Variants in CHIC2 observed in about 807,000 individuals in gnomAD.
CHIC2 encodes the protein cysteine-rich hydrophobic domain-containing protein 2.
CHIC2 carries 14 observed loss-of-function variants against 25.9 expected under a neutral mutation model. The ratio of observed to expected loss-of-function variants is 0.54; its 90% CI spans 0.36 to 0.85. The LOEUF (loss-of-function observed/expected upper bound fraction) is 0.85. Ranked by LOEUF, CHIC2 falls within the 40% of genes least tolerant of loss-of-function variation. CHIC2 has a pLI of 0.01. For missense variants in CHIC2, 146 were observed against 202.0 expected (o/e 0.72, Z 1.68); for synonymous variants, 70 against 72.0 (o/e 0.97, Z 0.14).
chr4:54,058,497 T>C (rs1158803021), intron 1 of CHIC2, among the ~76,000 whole-genome samples: 1 of 151,466 alleles, frequency 6.6e-6, no homozygotes, highest in Non-Finnish European at 1.5e-5. Context: ...ATCCCTAGAC[T>C]CTTCCCTTCC....
intron 1 of CHIC2, among the ~76,000 whole-genome samples, chr4:54,056,118 C>T (rs187120943): frequency 1.5e-4 from 23 of 152,184 alleles, no homozygotes; most frequent in Admixed American, 1.4e-3. Context: ...AATAATCTAG[C>T]ATTAGCATTT....
At chr4:54,068,656 A>C (rs1043962118), upstream of CHIC2, among the ~76,000 whole-genome samples, 1 of 152,198 alleles carries the variant, frequency 6.6e-6, no homozygotes, top group African/African-American at 2.4e-5. Context: ...AACAACCAAC[A>C]CAGAAGACTC....
intron 3 of CHIC2, among the ~76,000 whole-genome samples, chr4:54,019,561 G>T (rs1453424247): frequency 6.6e-6 from 1 of 152,158 alleles, no homozygotes; most frequent in Non-Finnish European, 1.5e-5. Context: ...ACTTGTTTAG[G>T]TTATACTGGT....
chr4:54,028,694 A>G (rs1334224727), intron 3 of CHIC2, among the ~76,000 whole-genome samples: 5 of 152,220 alleles, frequency 3.3e-5, no homozygotes, highest in African/African-American at 1.2e-4. Context: ...GTAGTCTATT[A>G]TTTCATTGCA....
At chr4:54,020,556 G>T (rs1739730871) in intron 3 of CHIC2, among the ~76,000 whole-genome samples, 1 of 152,154 alleles carries the variant, frequency 6.6e-6, no homozygotes, top group Admixed American at 6.5e-5. Context: ...CGGAAGACCA[G>T]TCCCCTGTCC....
the CHIC2 span, among the ~76,000 whole-genome samples, chr4:54,091,322 G>T: frequency 3.9e-5 from 6 of 152,130 alleles, no homozygotes; most frequent in African/African-American, 1.2e-4. Context: ...GGCTGCGCCC[G>T]TAGCGCACCC....
intron 1 of CHIC2, among the ~76,000 whole-genome samples, chr4:54,051,899 G>A (rs1252910448): frequency 6.6e-6 from 1 of 151,758 alleles, no homozygotes; most frequent in Non-Finnish European, 1.5e-5. Context: ...CTATCTTTAC[G>A]TTACCTCCCA....
In CHIC2 at chr4:54,049,062, G is replaced by A. The variant is rs1371763498; in HGVS notation, c.223C>T (p.Leu75Phe). 6.2e-7 allele frequency: 1 copy of A among 1,612,532 alleles called. No homozygotes were observed. Among genetic ancestry groups the A allele is most frequent in the Non-Finnish European group, 8.5e-7 (1 of 1,179,358 alleles). Residue 75 changes from leucine to phenylalanine, a missense_variant, in exon 3 of 6, where the codon CTT (leucine) becomes TTT (phenylalanine). Coordinates refer to ENST00000263921, the MANE Select transcript of CHIC2 (RefSeq NM_012110.4). ...ACATTAACAGGAAGGTTCTTCTTAA[G>A]ACAACTGTTAACTCTGTTGATGCTG... is the stretch of plus-strand genomic sequence containing the variant. ...KASINRVNSC[L>F]KKNLPVNVRW...
At chr4:54,087,025 G>A in the CHIC2 span, 3 of 1,116,190 alleles carry the variant, frequency 2.7e-6, no homozygotes, top group Non-Finnish European at 4.1e-6. Context: ...GAGATGAGAG[G>A]GGCCTCCTCA....
chr4:54,057,738 C>G (rs1717219085), intron 1 of CHIC2, among the ~76,000 whole-genome samples: 1 of 152,034 alleles, frequency 6.6e-6, no homozygotes, highest in African/African-American at 2.4e-5. Flanking sequence ...ATCAGGAAAC[C>G]TCAACAAGAC....
At position 54,064,235 on chromosome 4, in the gene CHIC2, C is replaced by T; in HGVS notation, c.66G>A (p.Leu22=). The T allele has an allele frequency of 6.2e-7, 1 of 1,609,538 alleles. No homozygotes were observed. The highest frequency in any genetic ancestry group is 8.5e-7 in the Non-Finnish European group (1 of 1,178,026). The part of the protein sequence containing the change: ...EDEERALEEQ[L]LKYSPDPVVV... ...CCACCGGGTCCGGCGAGTACTTGAG[C>T]AGCTGCTCCTCCAGGGCCCGCTCCT... Residue 22 remains leucine, a synonymous_variant, in exon 1 of 6, where the codon CTG becomes CTA. Coordinates refer to ENST00000263921, the MANE Select transcript of CHIC2 (RefSeq NM_012110.4). This position sits in a 1 kb window ranked among gnomAD's most constrained non-coding sequence, Gnocchi z 4.2.
At chr4:54,088,698 G>T in the CHIC2 span, among the ~76,000 whole-genome samples, 2 of 152,178 alleles carry the variant, frequency 1.3e-5, no homozygotes, top group African/African-American at 4.8e-5. Context: ...GATCCTTCTG[G>T]CTGCTCTGTT....
At chr4:54,050,385 AC>A (rs1716968490) in intron 1 of CHIC2, among the ~76,000 whole-genome samples, 2 of 152,008 alleles carry the variant, frequency 1.3e-5, no homozygotes, top group African/African-American at 4.8e-5. Context: ...TATAGTCATA[AC>A]TCTGCAAACC....
At chr4:54,045,931 T>C (rs1716770765) in intron 3 of CHIC2, among the ~76,000 whole-genome samples, 1 of 152,204 alleles carries the variant, frequency 6.6e-6, no homozygotes, top group Non-Finnish European at 1.5e-5. Flanking sequence ...CTCCTTAAGC[T>C]GATAAGCAAC....
intron 3 of CHIC2, among the ~76,000 whole-genome samples, chr4:54,045,996 T>C (rs1268833894): frequency 1.3e-5 from 2 of 152,060 alleles, no homozygotes; most frequent in Admixed American, 6.5e-5. Context: ...AGCATTCTTA[T>C]ACACCAATAA....
chr4:54,088,063 G>T, the CHIC2 span, among the ~76,000 whole-genome samples: 2 of 152,148 alleles, frequency 1.3e-5, no homozygotes, highest in Admixed American at 1.3e-4. Context: ...TTGAATGCTG[G>T]TGGTTCTACC....
At chr4:54,073,079 A>AG in the CHIC2 span, among the ~76,000 whole-genome samples, 1 of 151,952 alleles carries the variant, frequency 6.6e-6, no homozygotes, top group Non-Finnish European at 1.5e-5. Context: ...AAAAAAAAAA[A>AG]GATGTTCACA....
At chr4:54,044,050 A>C (rs1716685289) in intron 3 of CHIC2, among the ~76,000 whole-genome samples, 1 of 152,222 alleles carries the variant, frequency 6.6e-6, no homozygotes. Flanking sequence ...ATCAAAAGAG[A>C]CAAAGAAGGC....
intron 3 of CHIC2, among the ~76,000 whole-genome samples, chr4:54,039,972 A>G (rs1462086821): frequency 6.6e-6 from 1 of 152,240 alleles, no homozygotes; most frequent in Non-Finnish European, 1.5e-5. Context: ...CCATTTATAT[A>G]ATATTCTAGA....
Sources: gnomAD v4.1 joint callset for allele counts (sites outside exome capture counted in the v4.1 genomes callset) on GRCh38, gnomAD v4.1.1 for gene constraint, Gnocchi (gnomAD v3.1) non-coding constraint, MANE v1.5 for transcripts, NCBI Gene and HGNC (gene_info 2026-07-23, HGNC 2026-07-21) for gene names.